The following VPS13A variants were observed in gnomAD, a reference collection of about 807,000 sequenced individuals.
VPS13A encodes the protein vacuolar protein sorting 13 homolog A, also known as intermembrane lipid transfer protein VPS13A.
Under a neutral mutation model 390.9 loss-of-function variants are expected in VPS13A, and 264 were observed. The observed-to-expected ratio is 0.68, with a 90% CI of 0.61 to 0.75. The LOEUF is 0.75. Ranked by LOEUF, VPS13A falls within the 30% of genes least tolerant of loss-of-function variation. The pLI is 0.00. For synonymous variants in VPS13A, 1,231 were observed against 1,227.1 expected (o/e 1.00, Z -0.07); for missense variants, 3,409 against 3,733.9 (o/e 0.91, Z 2.27).
intron 31 of VPS13A, among the ~76,000 whole-genome samples, chr9:77,292,344 G>A (rs1396769451): frequency 6.6e-6 from 1 of 152,020 alleles, no homozygotes; most frequent in African/African-American, 2.4e-5. Flanking sequence ...AAGTGAGCTG[G>A]TGCTTATTTT....
intron 61 of VPS13A, 81 bp downstream of exon 61, chr9:77,366,953 T>C (rs919426953): frequency 8.2e-6 from 12 of 1,461,816 alleles, no homozygotes; most frequent in Non-Finnish European, 9.4e-6. Flanking sequence ...AATGAAAAAG[T>C]GTGTGAAGTA....
At chr9:77,375,468 AT>A (rs1239782688) in intron 67 of VPS13A, among the ~76,000 whole-genome samples, 2 of 152,190 alleles carry the variant, frequency 1.3e-5, no homozygotes, top group African/African-American at 4.8e-5. Flanking sequence ...AAGAGGATGT[AT>A]TTACTAATAT....
intron 34 of VPS13A, among the ~76,000 whole-genome samples, chr9:77,304,392 T>C (rs1828591115): frequency 6.6e-6 from 1 of 152,180 alleles, no homozygotes; most frequent in African/African-American, 2.4e-5. Context: ...ATGGAGTCTC[T>C]TATGTCTTCC....
chr9:77,252,806 A>C (rs888358193), intron 22 of VPS13A, among the ~76,000 whole-genome samples: 4 of 152,302 alleles, frequency 2.6e-5, no homozygotes, highest in East Asian at 1.9e-4. Flanking sequence ...TCCATGTTGG[A>C]GCATATGTCA....
chr9:77,362,294 CT>C (rs1240890085), intron 59 of VPS13A, among the ~76,000 whole-genome samples: 1 of 152,120 alleles, frequency 6.6e-6, no homozygotes, highest in Non-Finnish European at 1.5e-5. Context: ...ATGATTAGGT[CT>C]TTGATCAATT....
At chr9:77,306,384 C>CAG (rs5898532) in intron 34 of VPS13A, among the ~76,000 whole-genome samples, 11,546 of 142,952 alleles carry the variant, frequency 0.081, 531 homozygotes, top group East Asian at 0.12. Context: ...TAGGGTTCTC[C>CAG]AGAGAGAGAG....
In VPS13A at chr9:77,224,251, C is replaced by T. The variant is rs149192189; in HGVS notation, c.1162-1675C>T. Among the ~76,000 whole-genome samples, 15 of 152,256 alleles carry T rather than the reference C, an allele frequency of 9.9e-5. No homozygotes were observed. The East Asian group carries it at 2.9e-3, about 29-fold the overall frequency. ...GCCTGCTAACACCACATCTGTTCTG[C>T]CACCCATGGATTGAAGAGTAATTTT... On this transcript the variant is annotated intron_variant, in intron 13 of 71. Transcript: ENST00000360280.
At position 77,200,000 on chromosome 9, in the gene VPS13A, CTA is replaced by C; in HGVS notation, c.144+14_144+15del. On this transcript the variant is annotated intron_variant, in intron 2 of 71. Coordinates refer to ENST00000360280, the MANE Select transcript of VPS13A (RefSeq NM_033305.3). ...AAGAAAATGCCCTGGTAGGTTTTGA[CTA>C]TGAAAAATTTGTAAAGTTATTGCAT... 6.2e-7 allele frequency: 1 copy of C among 1,602,782 alleles called. No individual in the cohort carries two copies. The highest frequency in any genetic ancestry group is 8.5e-7 in the Non-Finnish European group (1 of 1,172,536).
chr9:77,401,771 T>C (rs1039641233), intron 68 of VPS13A, among the ~76,000 whole-genome samples: 1 of 152,248 alleles, frequency 6.6e-6, no homozygotes, highest in Non-Finnish European at 1.5e-5. Flanking sequence ...ATTTCCACAG[T>C]TGCTTTCTGC....
intron 1 of VPS13A, among the ~76,000 whole-genome samples, chr9:77,182,009 A>G (rs1359691661): frequency 2.0e-5 from 3 of 152,152 alleles, no homozygotes. Context: ...CTCCCTTCCC[A>G]TATATCATCT....
intron 68 of VPS13A, chr9:77,390,061 T>G (rs1250749082): frequency 8.1e-6 from 8 of 985,294 alleles, no homozygotes; most frequent in African/African-American, 1.7e-5. Context: ...GAATGACTAC[T>G]AATCTGGAAG....
intron 9 of VPS13A, among the ~76,000 whole-genome samples, chr9:77,213,633 G>C (rs969742909): frequency 6.6e-6 from 1 of 151,466 alleles, no homozygotes; most frequent in East Asian, 1.9e-4. Context: ...CTTGAGTAGC[G>C]AGGACTATAG....
At chr9:77,341,939 A>G (rs1830849820) in intron 50 of VPS13A, among the ~76,000 whole-genome samples, 1 of 152,006 alleles carries the variant, frequency 6.6e-6, no homozygotes, top group South Asian at 2.1e-4. Flanking sequence ...GGAAACATTA[A>G]TAATACCGTA....
At chr9:77,225,278 G>T (rs559788861) in intron 13 of VPS13A, among the ~76,000 whole-genome samples, 3 of 152,192 alleles carry the variant, frequency 2.0e-5, no homozygotes, top group Non-Finnish European at 4.4e-5. Context: ...TCTTTGTATA[G>T]ATTTTTTTTG....
At chr9:77,204,844 G>A (rs1169644366) in intron 3 of VPS13A, among the ~76,000 whole-genome samples, 1 of 152,148 alleles carries the variant, frequency 6.6e-6, no homozygotes, top group Admixed American at 6.5e-5. Flanking sequence ...GCCTAGGCTG[G>A]TCTTGAACTC....
chr9:77,413,750 TTAAAC>T (rs1315408492), intron 71 of VPS13A, among the ~76,000 whole-genome samples: 1 of 152,088 alleles, frequency 6.6e-6, no homozygotes, highest in Non-Finnish European at 1.5e-5. Flanking sequence ...TGGGATCTAA[TTAAAC>T]TAAAGAGAGC....
At chr9:77,332,751 A>G (rs1414772700) in intron 46 of VPS13A, among the ~76,000 whole-genome samples, 1 of 152,058 alleles carries the variant, frequency 6.6e-6, no homozygotes, top group Non-Finnish European at 1.5e-5. Flanking sequence ...ATTGAACCTT[A>G]TTGGAGAATA....
chr9:77,416,160 A>C lies in VPS13A; in HGVS notation c.*154A>C. On this transcript the variant is annotated 3_prime_UTR_variant, in exon 72 of 72. Coordinates refer to ENST00000360280, the MANE Select transcript of VPS13A (RefSeq NM_033305.3). ...AAAACAAACAAAAAAACAAAAACAA[A>C]AAAACAAAACCAGAATCAGGTAAAA... The C allele has an allele frequency of 4.4e-6, 4 of 900,614 alleles. No individual in the cohort carries two copies. The highest frequency in any genetic ancestry group is 6.9e-6 in the Non-Finnish European group (4 of 576,436). 55.8% of individuals were successfully genotyped at this position (900,614 alleles called of 1,614,324 possible). A position where few individuals can be genotyped will look rare whatever the true frequency, so the allele number is the denominator to read the frequency against.
rs1200966613 is a variant in VPS13A, at chr9:77,354,601, TAAGTAACATATGA to T, written c.7652+978_7652+990del. On this transcript the variant is annotated intron_variant, in intron 54 of 71. Coordinates refer to ENST00000360280, the MANE Select transcript of VPS13A (RefSeq NM_033305.3). ...AATAAAATTAAACAACTTAAATATTTAAGTAACATATGAAAGTAACATATGAAAGTGAGAAAGC... is the reference window on the plus strand; with the variant it reads ...AATAAAATTAAACAACTTAAATATTTAAGTAACATATGAAAGTGAGAAAGC... Among the ~76,000 whole-genome samples, 8 of 152,252 alleles carry T rather than the reference TAAGTAACATATGA, an allele frequency of 5.3e-5. No homozygotes were observed. In the South Asian group the frequency reaches 6.2e-4, roughly 12 times the overall value.
Sources: allele counts gnomAD v4.1 joint callset (sites outside exome capture counted in the v4.1 genomes callset), GRCh38; gene constraint gnomAD v4.1.1; transcripts MANE v1.5; gene names NCBI Gene and HGNC (gene_info 2026-07-23, HGNC 2026-07-21).